Variants in ZEB1 observed in about 807,000 individuals in gnomAD.
ZEB1 encodes zinc finger E-box binding homeobox 1, also known as zinc finger E-box-binding homeobox 1.
In ZEB1, 21 loss-of-function variants were observed where a neutral mutation model predicts 84.9. The ratio of observed to expected loss-of-function variants is 0.25; its 90% CI spans 0.18 to 0.36. The LOEUF (loss-of-function observed/expected upper bound fraction) is 0.36, where lower values mean the gene tolerates loss of function less well. Among genes scored for constraint, ZEB1 ranks in the 10% least tolerant of loss-of-function variants. The pLI is 1.00. For missense variants in ZEB1, 1,104 were observed against 1,330.2 expected (o/e 0.83, Z 2.65); for synonymous variants, 420 against 471.1 (o/e 0.89, Z 1.41).
At position 31,319,223 on chromosome 10, in the gene ZEB1, A is replaced by G. The variant is rs751762203; in HGVS notation, c.-12A>G. On this transcript the variant is annotated 5_prime_UTR_variant, in exon 1 of 9. Transcript: ENST00000424869. ...GAGGTGACTCGAGCATTTAGACACAAGCGAGAGGATCATGGCGGATGGCCC... is the reference window on the plus strand; with the variant it reads ...GAGGTGACTCGAGCATTTAGACACAGGCGAGAGGATCATGGCGGATGGCCC... 3.7e-6 allele frequency: 6 copies of G among 1,603,970 alleles called. No individual in the cohort carries two copies. In the East Asian group the frequency reaches 9.0e-5, roughly 24 times the overall value.
At chr10:31,475,646 A>G (rs1336491723) in intron 2 of ZEB1, among the ~76,000 whole-genome samples, 1 of 152,182 alleles carries the variant, frequency 6.6e-6, no homozygotes, top group Non-Finnish European at 1.5e-5. Context: ...ATTTTTAACC[A>G]CCTTGAAAAA....
At chr10:31,330,768 C>A (rs2036562416) in intron 1 of ZEB1, among the ~76,000 whole-genome samples, 2 of 151,930 alleles carry the variant, frequency 1.3e-5, no homozygotes, top group South Asian at 2.1e-4. Flanking sequence ...ATATTTATTT[C>A]TTTCATTTCT....
intron 2 of ZEB1, among the ~76,000 whole-genome samples, chr10:31,471,996 A>G (rs1231009237): frequency 7.0e-6 from 1 of 143,098 alleles, no homozygotes; most frequent in African/African-American, 3.0e-5. Flanking sequence ...AGAAATAAAG[A>G]TGTTCTTTGA....
At chr10:31,473,907 A>T (rs932596104) in intron 2 of ZEB1, among the ~76,000 whole-genome samples, 12 of 151,630 alleles carry the variant, frequency 7.9e-5, no homozygotes, top group East Asian at 1.9e-4. Flanking sequence ...ATAACGCCGC[A>T]TATCTACAAC....
intron 8 of ZEB1, among the ~76,000 whole-genome samples, chr10:31,525,186 TC>T (rs2073190000): frequency 6.6e-6 from 1 of 152,232 alleles, no homozygotes; most frequent in African/African-American, 2.4e-5. Context: ...TTTGTCTATG[TC>T]AGCTTTCATG....
chr10:31,372,132 G>T (rs906062587), intron 1 of ZEB1, among the ~76,000 whole-genome samples: 2 of 151,904 alleles, frequency 1.3e-5, no homozygotes, highest in African/African-American at 4.8e-5. Context: ...ACTTAATTTT[G>T]CACCTTTTAT....
At chr10:31,432,357 G>A (rs2057813175) in intron 1 of ZEB1, among the ~76,000 whole-genome samples, 1 of 152,192 alleles carries the variant, frequency 6.6e-6, no homozygotes, top group South Asian at 2.1e-4. Flanking sequence ...GGGAGGCCAA[G>A]GCAGGTGGAT....
chr10:31,336,002 A>G (rs2037952917), intron 1 of ZEB1, among the ~76,000 whole-genome samples: 1 of 152,196 alleles, frequency 6.6e-6, no homozygotes, highest in Non-Finnish European at 1.5e-5. Flanking sequence ...CACTGTGAGT[A>G]AATCTAACAA....
In ZEB1 at chr10:31,520,175, T is replaced by G. The variant is rs1461299883; in HGVS notation, c.843T>G (p.Ser281=). 2.5e-6 allele frequency: 4 copies of G among 1,613,960 alleles called. No homozygotes were observed. ...ACTGCAAGAAACGCTTTTCCCATTC[T>G]GGCTCCTATAGCTCACACATAAGCA... ...CPNCKKRFSH[S]GSYSSHISSK... is the part of the protein sequence containing the mutation. Residue 281 remains serine, a synonymous_variant, in exon 7 of 9, where the codon TCT becomes TCG. Transcript: ENST00000424869. This position sits in a 1 kb window ranked among gnomAD's most constrained non-coding sequence, Gnocchi z 5.1.
chr10:31,446,498 T>C (rs1391664200), intron 1 of ZEB1, among the ~76,000 whole-genome samples: 4 of 150,066 alleles, frequency 2.7e-5, no homozygotes, highest in Non-Finnish European at 6.0e-5. Flanking sequence ...CTTTTAATTG[T>C]GATGTTAGGG....
intron 6 of ZEB1, among the ~76,000 whole-genome samples, chr10:31,516,559 A>T (rs956662314): frequency 2.8e-5 from 4 of 145,016 alleles, no homozygotes; most frequent in African/African-American, 1.1e-4. Flanking sequence ...AAAAAAAAAA[A>T]AAAAAAAAAA....
At chr10:31,477,125 C>G (rs1275557993) in intron 2 of ZEB1, among the ~76,000 whole-genome samples, 2 of 152,032 alleles carry the variant, frequency 1.3e-5, no homozygotes, top group African/African-American at 2.4e-5. Flanking sequence ...CAAATTATCT[C>G]TGGTCACTGA....
chr10:31,409,664 G>A (rs1178406129), intron 1 of ZEB1, among the ~76,000 whole-genome samples: 1 of 152,072 alleles, frequency 6.6e-6, no homozygotes, highest in Non-Finnish European at 1.5e-5. Context: ...TTTTCCATTT[G>A]TTTGTGTCCT....
At chr10:31,431,759 T>A (rs1024744414) in intron 1 of ZEB1, among the ~76,000 whole-genome samples, 1 of 152,212 alleles carries the variant, frequency 6.6e-6, no homozygotes, top group African/African-American at 2.4e-5. Flanking sequence ...AACATTACTT[T>A]CAATCAGATG....
intron 1 of ZEB1, among the ~76,000 whole-genome samples, chr10:31,459,879 G>A (rs923417191): frequency 2.9e-4 from 38 of 132,622 alleles, no homozygotes; most frequent in African/African-American, 1.1e-3. Context: ...GTGTGTGTGT[G>A]TGTAGAGGGA....
At chr10:31,415,295 C>G (rs151294549) in intron 1 of ZEB1, among the ~76,000 whole-genome samples, 1 of 152,024 alleles carries the variant, frequency 6.6e-6, no homozygotes, top group African/African-American at 2.4e-5. Context: ...AAGGATGATA[C>G]CCTAAGAATT....
chr10:31,492,850 C>G (rs534863216), intron 2 of ZEB1, among the ~76,000 whole-genome samples: 1 of 151,936 alleles, frequency 6.6e-6, no homozygotes, highest in African/African-American at 2.4e-5. Context: ...GGAATTTCAT[C>G]TTATGACTAA....
intron 1 of ZEB1, among the ~76,000 whole-genome samples, chr10:31,412,344 T>G (rs1232194326): frequency 6.6e-6 from 1 of 152,232 alleles, no homozygotes; most frequent in African/African-American, 2.4e-5. Context: ...ATGGCCATGT[T>G]GGTGTGCTGC....
intron 1 of ZEB1, among the ~76,000 whole-genome samples, chr10:31,444,697 C>T (rs1277801355): frequency 6.6e-6 from 1 of 152,060 alleles, no homozygotes; most frequent in African/African-American, 2.4e-5. Context: ...TTGTTTTTCT[C>T]AGGTTTGTCA....
Sources: gnomAD v4.1 joint callset for allele counts (sites outside exome capture counted in the v4.1 genomes callset) on GRCh38, gnomAD v4.1.1 for gene constraint, Gnocchi (gnomAD v3.1) non-coding constraint, MANE v1.5 for transcripts, NCBI Gene and HGNC (gene_info 2026-07-23, HGNC 2026-07-21) for gene names.